Variants in TBXAS1 observed in about 807,000 individuals in gnomAD.
TBXAS1 encodes thromboxane A synthase 1.
In TBXAS1, 48 loss-of-function variants were observed where a neutral mutation model predicts 60.7. The observed-to-expected ratio is 0.79, with a 90% CI of 0.63 to 1.01. The LOEUF (loss-of-function observed/expected upper bound fraction) is 1.01. Among genes scored for constraint, TBXAS1 ranks in the 50% least tolerant of loss-of-function variants. The pLI, the probability that TBXAS1 is intolerant of heterozygous loss-of-function variation, is 0.00. For synonymous variants in TBXAS1, 287 were observed against 269.7 expected (o/e 1.06, Z -0.63); for missense variants, 685 against 686.3 (o/e 1.00, Z 0.02).
At chr7:139,869,586 ACCATATGG>A in intron 1 of TBXAS1, among the ~76,000 whole-genome samples, 1 of 151,850 alleles carries the variant, frequency 6.6e-6, no homozygotes, top group Admixed American at 6.6e-5. Context: ...ATGGGGTTTC[ACCATATGG>A]GCTAGGCTGG....
chr7:139,983,423 C>T (rs1288137336), intron 9 of TBXAS1, among the ~76,000 whole-genome samples: 3 of 152,172 alleles, frequency 2.0e-5, no homozygotes, highest in Admixed American at 6.5e-5. Flanking sequence ...CTTCTAGAGT[C>T]GAGAAAACAG....
intron 4 of TBXAS1, among the ~76,000 whole-genome samples, chr7:139,816,861 G>C (rs760132890): frequency 6.6e-6 from 1 of 152,118 alleles, no homozygotes; most frequent in Non-Finnish European, 1.5e-5. Context: ...TGGAACCCTG[G>C]AGGCTTCCTC....
chr7:139,836,035 A>AAAATAAATAAAT (rs201367497), intron 1 of TBXAS1, among the ~76,000 whole-genome samples: 6 of 140,388 alleles, frequency 4.3e-5, no homozygotes, highest in East Asian at 2.1e-4. Context: ...AATAGCTGCA[A>AAAATAAATAAAT]AAATAAATAA....
At chr7:139,854,266 C>T (rs902540080) in intron 1 of TBXAS1, among the ~76,000 whole-genome samples, 6 of 152,012 alleles carry the variant, frequency 3.9e-5, no homozygotes, top group African/African-American at 9.7e-5. Context: ...AACGACATGG[C>T]GTAACTAGGA....
In TBXAS1 at chr7:139,979,736, T is replaced by C. The variant is rs1811830339; in HGVS notation, c.1134+17503T>C. Among the ~76,000 whole-genome samples the C allele has an allele frequency of 2.2e-5, 3 of 137,136 alleles. No individual in the cohort carries two copies. In the South Asian group the frequency reaches 6.5e-4, roughly 30 times the overall value. The allele number at this position is 137,136 out of a possible 152,430, so 90.0% of individuals were successfully genotyped here. A position where few individuals can be genotyped will look rare whatever the true frequency, so the allele number is the denominator to read the frequency against. Reference sequence around the variant, plus strand: ...GAGCAAGATTCCATCTCAATAATAATAATAATAATAATAATAATAATAATA... The same window carrying C: ...GAGCAAGATTCCATCTCAATAATAACAATAATAATAATAATAATAATAATA... On this transcript the variant is annotated intron_variant, in intron 9 of 12. Transcript: ENST00000448866.
At chr7:140,001,206 T>C (rs1399685393) in intron 9 of TBXAS1, among the ~76,000 whole-genome samples, 1 of 152,206 alleles carries the variant, frequency 6.6e-6, no homozygotes, top group Non-Finnish European at 1.5e-5. Flanking sequence ...ATTTGGCCTT[T>C]GAAACAGGAG....
At chr7:139,907,399 C>A (rs1805189321) in intron 3 of TBXAS1, among the ~76,000 whole-genome samples, 1 of 151,974 alleles carries the variant, frequency 6.6e-6, no homozygotes, top group South Asian at 2.1e-4. Flanking sequence ...ATATATAAGT[C>A]TTTTTATATA....
At chr7:139,887,742 A>C (rs1222461444) in intron 3 of TBXAS1, among the ~76,000 whole-genome samples, 2 of 152,204 alleles carry the variant, frequency 1.3e-5, no homozygotes, top group Non-Finnish European at 2.9e-5. Context: ...ATGGATGTGG[A>C]AATACCTCTT....
At chr7:139,989,228 C>T (rs1585016233) in intron 9 of TBXAS1, among the ~76,000 whole-genome samples, 1 of 152,140 alleles carries the variant, frequency 6.6e-6, no homozygotes, top group African/African-American at 2.4e-5. Flanking sequence ...AGTTTTTGAG[C>T]GACTGCTCTT....
At chr7:139,892,568 G>A (rs1803709675) in intron 3 of TBXAS1, among the ~76,000 whole-genome samples, 1 of 152,136 alleles carries the variant, frequency 6.6e-6, no homozygotes. Context: ...ACTCCAGCCT[G>A]GGCGACAGAG....
chr7:140,012,603 C>T (rs1001215714), intron 10 of TBXAS1, among the ~76,000 whole-genome samples: 2 of 151,988 alleles, frequency 1.3e-5, no homozygotes, highest in Admixed American at 6.6e-5. Flanking sequence ...GGACTACAGG[C>T]GCACGACACC....
rs545096697 is a variant in TBXAS1, at chr7:139,877,109, G to C, written c.236+1472G>C. 3.3e-5 allele frequency among the ~76,000 whole-genome samples: 5 copies of C among 152,320 alleles called. No homozygotes were observed. In the East Asian group the frequency reaches 9.7e-4, roughly 29 times the overall value. ...ACGGCTAAACCCAAGATGTGGGCAGGAGGGCACTGTGGCCACTTTGAGGCC... is the reference window on the plus strand; with the variant it reads ...ACGGCTAAACCCAAGATGTGGGCAGCAGGGCACTGTGGCCACTTTGAGGCC... On this transcript the variant is annotated intron_variant, in intron 3 of 12. Transcript: ENST00000448866.
chr7:139,863,331 C>T lies in TBXAS1; in HGVS notation c.90-8904C>T, dbSNP rs78625438. On this transcript the variant is annotated intron_variant, in intron 1 of 12. Coordinates refer to ENST00000448866, the MANE Select transcript of TBXAS1 (RefSeq NM_001061.7). The stretch of plus-strand genomic sequence containing the variant: ...CATTATTGGTGAAAGAACTGAACAC[C>T]AGCCAGATATTTATGTATTTATTGA... 1.2e-4 allele frequency among the ~76,000 whole-genome samples: 18 copies of T among 152,226 alleles called. No individual in the cohort carries two copies. The East Asian group carries it at 2.9e-3, about 24-fold the overall frequency.
intron 9 of TBXAS1, among the ~76,000 whole-genome samples, chr7:139,982,294 T>C (rs1417020081): frequency 1.3e-5 from 2 of 152,252 alleles, no homozygotes; most frequent in African/African-American, 4.8e-5. Context: ...TTAACCTCTC[T>C]CTACTGGCTC....
chr7:139,838,023 C>T (rs1050437258), intron 1 of TBXAS1, among the ~76,000 whole-genome samples: 1 of 152,168 alleles, frequency 6.6e-6, no homozygotes, highest in African/African-American at 2.4e-5. Flanking sequence ...ATCAGCCCCG[C>T]CCCAGGACTC....
At chr7:139,881,662 T>C (rs1251703751) in intron 3 of TBXAS1, among the ~76,000 whole-genome samples, 1 of 152,180 alleles carries the variant, frequency 6.6e-6, no homozygotes, top group African/African-American at 2.4e-5. Context: ...CAGTAGGGTG[T>C]TCTAAGAACA....
chr7:140,020,122 G>A lies in TBXAS1; in HGVS notation c.*23G>A, dbSNP rs756539196. The A allele has an allele frequency of 8.1e-6, 13 of 1,604,986 alleles. No individual in the cohort carries two copies. Among genetic ancestry groups the A allele is most frequent in the Non-Finnish European group, 1.0e-5 (12 of 1,172,020 alleles). On this transcript the variant is annotated 3_prime_UTR_variant, in exon 13 of 13. Transcript: ENST00000448866. ...TGACACAGAAGGCTGCCGGGTGGGG[G>A]GAGGGCACCCCCAAATTCAAAGAAA...
chr7:139,918,074 G>A (rs890894758), intron 4 of TBXAS1, among the ~76,000 whole-genome samples: 20 of 151,954 alleles, frequency 1.3e-4, no homozygotes, highest in South Asian at 1.0e-3. Flanking sequence ...GTCTTTCTCC[G>A]CCCCAATCTC....
intron 3 of TBXAS1, among the ~76,000 whole-genome samples, chr7:139,905,808 T>C (rs1325172039): frequency 1.3e-5 from 2 of 152,234 alleles, no homozygotes; most frequent in Non-Finnish European, 2.9e-5. Flanking sequence ...CTTTTCATCT[T>C]CTTAACAGTG....
Sources: gnomAD v4.1 joint callset for allele counts (sites outside exome capture counted in the v4.1 genomes callset) on GRCh38, gnomAD v4.1.1 for gene constraint, MANE v1.5 for transcripts, NCBI Gene and HGNC (gene_info 2026-07-23, HGNC 2026-07-21) for gene names.